Variants in FAT2 observed in about 807,000 individuals in gnomAD.
FAT2 encodes protocadherin Fat 2.
Under a neutral mutation model 295.3 loss-of-function variants are expected in FAT2, and 150 were observed. The ratio of observed to expected loss-of-function variants is 0.51; its 90% CI spans 0.44 to 0.58. FAT2 has a LOEUF of 0.58. Among genes scored for constraint, FAT2 ranks in the 20% least tolerant of loss-of-function variants. The probability of loss-of-function intolerance (pLI) is 0.00; values close to 1 mark genes in which losing one functional copy is unlikely to be tolerated. For synonymous variants in FAT2, 2,026 were observed against 2,150.3 expected (o/e 0.94, Z 1.60); for missense variants, 4,868 against 5,442.7 (o/e 0.89, Z 3.32).
At chr5:151,585,626 A>G (rs943008323) in intron 1 of FAT2, among the ~76,000 whole-genome samples, 1 of 152,172 alleles carries the variant, frequency 6.6e-6, no homozygotes, top group African/African-American at 2.4e-5. Context: ...AAAAAAATAT[A>G]TATATATCAG....
In FAT2 at chr5:151,550,673, G is replaced by T. The variant is rs1757115196; in HGVS notation, c.4495C>A (p.Leu1499Met). ...QDPGSASLFQLDPSSGVLVTV... is the reference protein window; with the variant it reads ...QDPGSASLFQMDPSSGVLVTV... Reference sequence around the variant, plus strand: ...ACCAGGACACCACTGCTTGGGTCCAGCTGGAAGAGGCTGGCACTTCCTGGG... The same window carrying T: ...ACCAGGACACCACTGCTTGGGTCCATCTGGAAGAGGCTGGCACTTCCTGGG... Residue 1499 changes from leucine to methionine, a missense_variant, in exon 8 of 24, where the codon CTG (leucine) becomes ATG (methionine). Transcript: ENST00000261800. 5 of 1,614,216 alleles carry T rather than the reference G, an allele frequency of 3.1e-6. No individual in the cohort carries two copies. The highest frequency in any genetic ancestry group is 1.6e-4 in the Middle Eastern group (1 of 6,062).
intron 13 of FAT2, among the ~76,000 whole-genome samples, chr5:151,534,004 A>G (rs1395622208): frequency 6.6e-6 from 1 of 152,210 alleles, no homozygotes; most frequent in Non-Finnish European, 1.5e-5. Flanking sequence ...AAATTGATCA[A>G]GGAATTTAAT....
At chr5:151,562,971 T>C (rs1258789153) in intron 3 of FAT2, among the ~76,000 whole-genome samples, 1 of 152,138 alleles carries the variant, frequency 6.6e-6, no homozygotes. Flanking sequence ...TTGGGACCAC[T>C]TGGAGGTCTA....
chr5:151,524,301 G>A (rs1242238063), intron 18 of FAT2, among the ~76,000 whole-genome samples: 1 of 152,182 alleles, frequency 6.6e-6, no homozygotes, highest in Admixed American at 6.5e-5. Flanking sequence ...CTACTACCAA[G>A]TATTATTTTT....
At chr5:151,562,778 C>T (rs1359902429) in intron 3 of FAT2, among the ~76,000 whole-genome samples, 1 of 152,234 alleles carries the variant, frequency 6.6e-6, no homozygotes, top group Non-Finnish European at 1.5e-5. Flanking sequence ...TGCCAGCTGC[C>T]AACATCTGGA....
intron 23 of FAT2, 61 bp from the exon 24 acceptor site, chr5:151,506,158 C>T (rs2127563095): frequency 1.4e-6 from 2 of 1,477,464 alleles, no homozygotes; most frequent in South Asian, 2.8e-5. Context: ...TCAGCTGGCT[C>T]TATAGCAACT....
chr5:151,543,956 G>A lies in FAT2; in HGVS notation c.7171C>T (p.Leu2391=), dbSNP rs370370171. Residue 2391 remains leucine, a synonymous_variant, in exon 10 of 24, where the codon CTG becomes TTG. Transcript: ENST00000261800. ...QPQYEANVSE[L]ATCGHLVLKV... Reference sequence around the variant, plus strand: ...AGAACCAGGTGTCCACAGGTTGCCAGTTCACTGACATTGGCTTCATATTGA... The same window carrying A: ...AGAACCAGGTGTCCACAGGTTGCCAATTCACTGACATTGGCTTCATATTGA... The A allele has an allele frequency of 6.8e-6, 11 of 1,614,062 alleles. No homozygotes were observed. The highest frequency in any genetic ancestry group is 4.4e-5 in the South Asian group (4 of 91,088).
rs759462201 is a variant in FAT2, at chr5:151,521,379, A to G, written c.11214T>C (p.His3738=). 3 of 1,614,178 alleles carry G rather than the reference A, an allele frequency of 1.9e-6. No individual in the cohort carries two copies. In the South Asian group the frequency reaches 3.3e-5, roughly 18 times the overall value. Residue 3738 remains histidine (H), a synonymous_variant, in exon 19 of 24, where the codon CAT becomes CAC. Coordinates refer to ENST00000261800, the MANE Select transcript of FAT2 (RefSeq NM_001447.3). ...CCTTGGGGTCCAGATGCACTGTGTT[A>G]TGGCAGATTTGACCCTGGCAGGTTG... ...QGPTCQGQIC[H]NTVHLDPKVG...
chr5:151,526,416 T>TA (rs1753983548), intron 17 of FAT2, among the ~76,000 whole-genome samples: 1 of 152,212 alleles, frequency 6.6e-6, no homozygotes, highest in South Asian at 2.1e-4. Context: ...TAAGCACACT[T>TA]AAAGATGACT....
At position 151,550,749 on chromosome 5, in the gene FAT2, T is replaced by G; in HGVS notation, c.4419A>C (p.Ile1473=). The change falls in exon 8 of 24, where the codon ATA becomes ATC. Residue 1473 remains isoleucine (I), a synonymous_variant. Transcript: ENST00000261800. ...PGVELLRVQA[I]DQDKGKSLIY... ...TGAGGCTTTTGCCCTTGTCTTGATC[T>G]ATGGCCTGGACTCGCAGGAGCTCTA... is the stretch of plus-strand genomic sequence containing the variant. 1 of 1,614,154 alleles carries G rather than the reference T, an allele frequency of 6.2e-7. No individual in the cohort carries two copies. The highest frequency in any genetic ancestry group is 8.5e-7 in the Non-Finnish European group (1 of 1,180,020).
intron 1 of FAT2, among the ~76,000 whole-genome samples, chr5:151,574,683 T>C (rs922423646): frequency 3.3e-5 from 5 of 152,380 alleles, no homozygotes; most frequent in African/African-American, 1.2e-4. Flanking sequence ...CACTCTGGTG[T>C]GGATAGGGCT....
chr5:151,546,461 A>G, intron 9 of FAT2, 124 bp from the exon 10 acceptor site: 1 of 643,228 alleles, frequency 1.6e-6, no homozygotes, highest in Non-Finnish European at 2.7e-6. Flanking sequence ...TATAGTGTAT[A>G]CCCACCCTGG....
chr5:151,528,155 G>T, intron 15 of FAT2, 22 bp from the exon 16 acceptor site: 1 of 1,610,944 alleles, frequency 6.2e-7, no homozygotes, highest in Non-Finnish European at 8.5e-7. Flanking sequence ...TAGGGGGATT[G>T]TGAATGGAGG....
chr5:151,522,255 T>G, intron 18 of FAT2, 169 bp from the exon 19 acceptor site: 1 of 565,588 alleles, frequency 1.8e-6, no homozygotes, highest in Non-Finnish European at 3.1e-6. Flanking sequence ...CCAAAAGCAC[T>G]GACAGAAAAG....
chr5:151,523,655 A>C (rs1319015413), intron 18 of FAT2, among the ~76,000 whole-genome samples: 1 of 152,098 alleles, frequency 6.6e-6, no homozygotes, highest in African/African-American at 2.4e-5. Context: ...CTGAGAATAC[A>C]GAGGTCAGGA....
At position 151,543,702 on chromosome 5, in the gene FAT2, G is replaced by A. The variant is rs772037789; in HGVS notation, c.7425C>T (p.Asn2475=). ...GCTGCTGGAACTCTGGGCTGTACTT[G>A]TTGGCATTTGTAGTGTTGATGTACA... The part of the protein sequence containing the change: ...VPVYINTTNA[N]KYSPEFQQHL... The change falls in exon 10 of 24, where the codon AAC becomes AAT. Residue 2475 remains asparagine, a synonymous_variant. Transcript: ENST00000261800. 6.2e-7 allele frequency: 1 copy of A among 1,614,152 alleles called. No homozygotes were observed. The highest frequency in any genetic ancestry group is 8.5e-7 in the Non-Finnish European group (1 of 1,180,012).
chr5:151,525,849 G>T lies in FAT2; in HGVS notation c.10425C>A (p.Phe3475Leu). The T allele has an allele frequency of 6.2e-7, 1 of 1,614,064 alleles. No individual in the cohort carries two copies. The highest frequency in any genetic ancestry group is 8.5e-7 in the Non-Finnish European group (1 of 1,179,958). ...RITKGNNGSAFRVTPDGWLVT... is the reference protein window; with the variant it reads ...RITKGNNGSALRVTPDGWLVT... ...CCAGCCATCCATCCGGGGTCACTCG[G>T]AAGGCAGAGCCGTTGTTCCCCTTGG... The change falls in exon 18 of 24, where the codon TTC becomes TTA. Residue 3475 changes from phenylalanine (F) to leucine (L), a missense_variant. By Grantham distance (22) the Phe-to-Leu change is conservative. This residue lies in a region of FAT2 where 1,046 missense variants were observed against 1,210.1 expected (regional missense o/e 0.86). Coordinates refer to ENST00000261800, the MANE Select transcript of FAT2 (RefSeq NM_001447.3).
At chr5:151,571,050 A>C (rs76903648) in intron 1 of FAT2, among the ~76,000 whole-genome samples, 7,458 of 152,164 alleles carry the variant, frequency 0.049, 250 homozygotes, top group East Asian at 0.093. Flanking sequence ...TAGGCACCTC[A>C]GAAAAGAGAG....
chr5:151,510,119 C>T lies in FAT2; in HGVS notation c.11961G>A (p.Arg3987=). Residue 3987 remains arginine (R), a synonymous_variant, in exon 22 of 24, where the codon AGG becomes AGA. Transcript: ENST00000261800. The stretch of plus-strand genomic sequence containing the variant: ...GGCAGGGTGCAAAAGTACAGTTCTC[C>T]CTTCCTTGTTCACAGTGCTTCCCAG... ...QFSGKHCEQG[R]ENCTFAPCLE... is the part of the protein sequence containing the mutation. 1 of 1,614,170 alleles carries T rather than the reference C, an allele frequency of 6.2e-7. No homozygotes were observed. The highest frequency in any genetic ancestry group is 8.5e-7 in the Non-Finnish European group (1 of 1,180,030).
Sources: allele counts gnomAD v4.1 joint callset (sites outside exome capture counted in the v4.1 genomes callset), GRCh38; gene constraint gnomAD v4.1.1; regional missense constraint gnomAD v4.1.1; transcripts MANE v1.5; gene names NCBI Gene and HGNC (gene_info 2026-07-23, HGNC 2026-07-21).